The following ANO6 variants were observed in gnomAD, a reference collection of about 807,000 sequenced individuals.
ANO6 encodes anoctamin-6.
A neutral mutation model predicts 117.5 loss-of-function variants in ANO6; 106 were observed. The ratio of observed to expected loss-of-function variants is 0.90; its 90% CI spans 0.77 to 1.06. ANO6 has a LOEUF of 1.06. ANO6 is among the 50% of genes least tolerant of loss of function. The probability of loss-of-function intolerance (pLI) is 0.00; values close to 1 mark genes in which losing one functional copy is unlikely to be tolerated. For synonymous variants in ANO6, 367 were observed against 385.1 expected, an observed-to-expected ratio of 0.95 and a Z score of 0.55; for missense variants, 955 against 1,121.1, an observed-to-expected ratio of 0.85 and a Z score of 2.12.
At chr12:45,330,105 A>G (rs1438065975) in intron 2 of ANO6, among the ~76,000 whole-genome samples, 5 of 152,138 alleles carry the variant, frequency 3.3e-5, no homozygotes, top group East Asian at 1.9e-4. Flanking sequence ...ATGAAGGTGC[A>G]TTGAGATGGG....
chr12:45,223,741 A>G (rs1240465004), intron 1 of ANO6, among the ~76,000 whole-genome samples: 2 of 152,198 alleles, frequency 1.3e-5, no homozygotes, highest in African/African-American at 4.8e-5. Context: ...TATTGTACAT[A>G]TTCCATTGCT....
rs1443813050 is a variant in ANO6, at chr12:45,421,006, C to T, written c.2218-65C>T. On this transcript the variant is annotated intron_variant, in intron 17 of 19. Coordinates refer to ENST00000320560, the MANE Select transcript of ANO6 (RefSeq NM_001025356.3). The stretch of plus-strand genomic sequence containing the variant: ...TGCCATGCAGCCTGGGCAGCAAGAG[C>T]GAGACTCCGTCTCAAAAACAAAAAA... 28 of 1,540,656 alleles carry T rather than the reference C, an allele frequency of 1.8e-5. No individual in the cohort carries two copies. The Admixed American group carries it at 4.0e-4, about 22-fold the overall frequency.
At chr12:45,426,035 TG>T (rs1379545136) in intron 19 of ANO6, among the ~76,000 whole-genome samples, 1 of 152,216 alleles carries the variant, frequency 6.6e-6, no homozygotes, top group Admixed American at 6.5e-5. Context: ...TTGAAGGAAA[TG>T]ACGTTATTCA....
rs1322350958 is a variant in ANO6 at position 45,430,242 on chromosome 12, G to C, written c.*931G>C. On this transcript the variant is annotated 3_prime_UTR_variant, in exon 20 of 20. Coordinates refer to ENST00000320560, the MANE Select transcript of ANO6 (RefSeq NM_001025356.3). ...AGATAAGCCCCTCAATTTTCTACCA[G>C]TTGACTTTTATTCATTAGATACAGA... 1.0e-6 allele frequency: 1 copy of C among 985,248 alleles called. No individual in the cohort carries two copies. The highest frequency in any genetic ancestry group is 1.2e-6 in the Non-Finnish European group (1 of 829,936). The allele number at this position is 985,248 out of a possible 1,614,324, so 61.0% of individuals were successfully genotyped here.
At position 45,422,941 on chromosome 12, in the gene ANO6, TC is replaced by T; in HGVS notation, c.2421-14del. The T allele has an allele frequency of 6.4e-7, 1 of 1,558,566 alleles. No homozygotes were observed. The highest frequency in any genetic ancestry group is 8.9e-7 in the Non-Finnish European group (1 of 1,129,400). On this transcript the variant is annotated splice_polypyrimidine_tract_variant and intron_variant, in intron 18 of 19. Transcript: ENST00000320560. ...AAAAAGATTTGTCTCCCAATATGTC[TC>T]CATTTTGTTTTCAGGTATCGTGATT...
rs139311885 is a variant in ANO6 at position 45,277,060 on chromosome 12, A to G, written c.71-24954A>G. 3.4e-3 allele frequency among the ~76,000 whole-genome samples: 514 copies of G among 152,066 alleles called. 5 individuals carry two copies. Among genetic ancestry groups the G allele is most frequent in the African/African-American group, 0.012 (484 of 41,452 alleles). ...AACATAATTAAATTATAATTTATCTATTTTTCAGTTTTAGGCATTATCTAT... is the reference window on the plus strand; with the variant it reads ...AACATAATTAAATTATAATTTATCTGTTTTTCAGTTTTAGGCATTATCTAT... On this transcript the variant is annotated intron_variant, in intron 1 of 19. Coordinates refer to ENST00000320560, the MANE Select transcript of ANO6 (RefSeq NM_001025356.3).
intron 2 of ANO6, among the ~76,000 whole-genome samples, chr12:45,311,117 A>G (rs1939836010): frequency 6.6e-6 from 1 of 152,082 alleles, no homozygotes; most frequent in African/African-American, 2.4e-5. Context: ...ATGTATTTAA[A>G]TACAAAATGA....
intron 1 of ANO6, among the ~76,000 whole-genome samples, chr12:45,239,888 C>CA (rs1947711038): frequency 1.3e-5 from 2 of 152,122 alleles, no homozygotes; most frequent in Non-Finnish European, 2.9e-5. Context: ...GTCTGAGAGA[C>CA]AGTTTGTTGT....
intron 1 of ANO6, among the ~76,000 whole-genome samples, chr12:45,263,052 T>G (rs762040523): frequency 6.6e-6 from 1 of 152,056 alleles, no homozygotes; most frequent in Non-Finnish European, 1.5e-5. Context: ...ATTCCTTGAT[T>G]GTTGCAGATC....
Position 45,350,719 on chromosome 12 carries a change from A to G in ANO6, c.808A>G (p.Arg270Gly), listed in dbSNP as rs1391215111. 6.2e-7 allele frequency: 1 copy of G among 1,613,904 alleles called. No individual in the cohort carries two copies. The highest frequency in any genetic ancestry group is 8.5e-7 in the Non-Finnish European group (1 of 1,179,832). Residue 270 changes from arginine (R) to glycine (G), a missense_variant, in exon 7 of 20, where the codon AGA (arginine) becomes GGA (glycine). Transcript: ENST00000320560. ...CCCTAATGAACGGTACCTTCTGTAC[A>G]GAGAATGGGCTCATCCTCGAAGCAT... Reference protein sequence around the residue: ...SCPNERYLLYREWAHPRSIYK... With the variant: ...SCPNERYLLYGEWAHPRSIYK...
chr12:45,373,604 AATGACT>A (rs1941912582), intron 9 of ANO6, among the ~76,000 whole-genome samples: 1 of 152,178 alleles, frequency 6.6e-6, no homozygotes, highest in South Asian at 2.1e-4. Context: ...CCTGCTCCTG[AATGACT>A]ACTGGGTACA....
intron 3 of ANO6, among the ~76,000 whole-genome samples, chr12:45,344,343 G>C (rs2056113): frequency 0.99 from 151,475 of 152,330 alleles, 75,322 homozygotes; most frequent in Middle Eastern, 1. Flanking sequence ...TGTATTAGTT[G>C]TCACATTGCT....
chr12:45,360,311 C>T (rs1189397317), intron 8 of ANO6, among the ~76,000 whole-genome samples: 2 of 152,212 alleles, frequency 1.3e-5, no homozygotes, highest in Non-Finnish European at 2.9e-5. Context: ...GTGAGGGCTG[C>T]ATCCTCTGAA....
At chr12:45,316,292 T>A (rs530365561) in intron 2 of ANO6, among the ~76,000 whole-genome samples, 1 of 152,124 alleles carries the variant, frequency 6.6e-6, no homozygotes, top group South Asian at 2.1e-4. Flanking sequence ...AATCAAATAA[T>A]TACACAAATA....
chr12:45,362,448 G>C (rs1444946930), intron 8 of ANO6, among the ~76,000 whole-genome samples: 2 of 151,778 alleles, frequency 1.3e-5, no homozygotes, highest in Non-Finnish European at 1.5e-5. Flanking sequence ...TTGTTTAGTT[G>C]ATTTTTTTGT....
intron 2 of ANO6, among the ~76,000 whole-genome samples, chr12:45,314,541 T>TAC (rs1194251348): frequency 1.3e-5 from 2 of 151,358 alleles, no homozygotes; most frequent in East Asian, 3.9e-4. Context: ...AATATATATA[T>TAC]ACACATATAT....
At chr12:45,300,375 A>C (rs2077715) in intron 1 of ANO6, among the ~76,000 whole-genome samples, 145,039 of 152,204 alleles carry the variant, frequency 0.95, 69,527 homozygotes, top group East Asian at 1. Context: ...AAAGATGTCT[A>C]ACCATGTTTC....
At chr12:45,435,926 T>C (rs2137753873), downstream of ANO6, among the ~76,000 whole-genome samples, 1 of 152,290 alleles carries the variant, frequency 6.6e-6, no homozygotes, top group South Asian at 2.1e-4. Context: ...AGAGCTTATA[T>C]AAAAATAGAT....
chr12:45,378,763 T>C (rs1385405669), intron 10 of ANO6, among the ~76,000 whole-genome samples: 1 of 152,106 alleles, frequency 6.6e-6, no homozygotes. Context: ...AACCTAACTT[T>C]TATGGGGGTG....
Sources: allele counts gnomAD v4.1 joint callset (sites outside exome capture counted in the v4.1 genomes callset), GRCh38; gene constraint gnomAD v4.1.1; transcripts MANE v1.5; gene names NCBI Gene and HGNC (gene_info 2026-07-23, HGNC 2026-07-21).